Variants in CHST11 observed in about 807,000 individuals in gnomAD.
CHST11 encodes carbohydrate sulfotransferase 11.
A neutral mutation model predicts 30.4 loss-of-function variants in CHST11; 9 were observed. The ratio of observed to expected loss-of-function variants is 0.30; its 90% CI spans 0.18 to 0.52. CHST11 has a LOEUF of 0.52. Among genes scored for constraint, CHST11 ranks in the 20% least tolerant of loss-of-function variants. CHST11 has a pLI of 0.97. For missense variants in CHST11, 348 were observed against 460.6 expected, an observed-to-expected ratio of 0.76 and a Z score of 2.24; for synonymous variants, 152 against 187.8, an observed-to-expected ratio of 0.81 and a Z score of 1.56.
intron 2 of CHST11, among the ~76,000 whole-genome samples, chr12:104,684,135 G>A (rs902689658): frequency 1.3e-4 from 20 of 152,262 alleles, no homozygotes; most frequent in Non-Finnish European, 1.0e-4. Flanking sequence ...TTATTTATGA[G>A]AAAGGACTCC....
chr12:104,585,768 C>G (rs796571163), intron 1 of CHST11, among the ~76,000 whole-genome samples: 5 of 152,340 alleles, frequency 3.3e-5, no homozygotes, highest in African/African-American at 1.2e-4. Context: ...GGTCCAAAAT[C>G]AAGGTGTCAG....
chr12:104,739,022 G>A (rs1592867564), intron 2 of CHST11, among the ~76,000 whole-genome samples: 1 of 152,346 alleles, frequency 6.6e-6, no homozygotes, highest in East Asian at 1.9e-4. Context: ...GGGCAGGGGT[G>A]AGGGGTGAGC....
chr12:104,586,473 A>G (rs934916648), intron 1 of CHST11, among the ~76,000 whole-genome samples: 3 of 152,200 alleles, frequency 2.0e-5, no homozygotes, highest in African/African-American at 7.2e-5. Flanking sequence ...TTCTGGACTC[A>G]AGGGGAGGAG....
intron 2 of CHST11, among the ~76,000 whole-genome samples, chr12:104,719,771 C>A (rs1177794963): frequency 6.6e-6 from 1 of 152,120 alleles, no homozygotes; most frequent in Non-Finnish European, 1.5e-5. Context: ...ATGGACTGGC[C>A]CTGGGCACTC....
chr12:104,632,819 C>T (rs528810120), intron 2 of CHST11, among the ~76,000 whole-genome samples: 19 of 152,228 alleles, frequency 1.2e-4, no homozygotes, highest in African/African-American at 4.3e-4. Context: ...GAGGAGCCCA[C>T]AGACACCACA....
intron 2 of CHST11, among the ~76,000 whole-genome samples, chr12:104,623,686 G>A (rs1321141662): frequency 6.6e-6 from 1 of 151,736 alleles, no homozygotes; most frequent in African/African-American, 2.4e-5. Context: ...ACCCAGCCGA[G>A]ATCGCCTGGG....
chr12:104,699,274 T>G (rs142247143), intron 2 of CHST11, among the ~76,000 whole-genome samples: 2,441 of 152,320 alleles, frequency 0.016, 63 homozygotes, highest in African/African-American at 0.054. Flanking sequence ...GTGACTGAGC[T>G]CTAGAAATTT....
intron 1 of CHST11, among the ~76,000 whole-genome samples, chr12:104,545,250 C>T (rs576467273): frequency 8.5e-5 from 13 of 152,306 alleles, no homozygotes; most frequent in African/African-American, 3.1e-4. Context: ...AGGGAATGGC[C>T]CGTTTGAGGG....
rs200879600 is a variant in CHST11 at position 104,620,613 on chromosome 12, C to CATTT, written c.204+18639_204+18642dup. 7.4e-3 allele frequency among the ~76,000 whole-genome samples: 1,123 copies of CATTT among 152,078 alleles called. 12 individuals are homozygous for CATTT. Among genetic ancestry groups the CATTT allele is most frequent in the African/African-American group, 0.024 (1,000 of 41,454 alleles). ...AGCATTGCAAGGAATGGAAATTCTC[C>CATTT]ATTTATTTATTTATTTATTTGTTTG... On this transcript the variant is annotated intron_variant, in intron 2 of 2. Transcript: ENST00000303694.
At chr12:104,722,246 G>GC (rs1394808947) in intron 2 of CHST11, among the ~76,000 whole-genome samples, 1 of 151,482 alleles carries the variant, frequency 6.6e-6, no homozygotes, top group Non-Finnish European at 1.5e-5. Flanking sequence ...TAAGCCATCT[G>GC]CCCGCCTTAG....
intron 2 of CHST11, among the ~76,000 whole-genome samples, chr12:104,649,302 T>C (rs535680488): frequency 3.4e-4 from 52 of 152,326 alleles, no homozygotes; most frequent in African/African-American, 1.2e-3. Flanking sequence ...ATAATAATCT[T>C]AACAGCAATA....
rs2037416165 is a variant in CHST11 at position 104,462,187 on chromosome 12, A to AG, written c.118+4658_118+4659insG. On this transcript the variant is annotated intron_variant, in intron 1 of 2. Transcript: ENST00000303694. The stretch of plus-strand genomic sequence containing the variant: ...CATCTCAAAAAAAAAAAAAAAAAAG[A>AG]AAAAGAAAAGAAAAAAAGAAAATTT... Among the ~76,000 whole-genome samples, 19 of 144,482 alleles carry AG rather than the reference A, an allele frequency of 1.3e-4. 1 individual carries two copies. The South Asian group carries it at 4.1e-3, about 31-fold the overall frequency. 94.8% of individuals were successfully genotyped at this position (144,482 alleles called of 152,430 possible). A position where few individuals can be genotyped will look rare whatever the true frequency, so the allele number is the denominator to read the frequency against.
chr12:104,501,979 T>C (rs926702029), intron 1 of CHST11, among the ~76,000 whole-genome samples: 6 of 152,086 alleles, frequency 3.9e-5, no homozygotes, highest in Non-Finnish European at 8.8e-5. Flanking sequence ...AGTGGACTCC[T>C]AGGACACCAC....
intron 2 of CHST11, among the ~76,000 whole-genome samples, chr12:104,714,948 G>T (rs528789481): frequency 6.6e-6 from 1 of 152,340 alleles, no homozygotes; most frequent in South Asian, 2.1e-4. Context: ...GCAAGCTGGG[G>T]TAGCTGACCT....
chr12:104,537,616 AG>A (rs1401698098), intron 1 of CHST11, among the ~76,000 whole-genome samples: 13 of 152,076 alleles, frequency 8.5e-5, no homozygotes, highest in African/African-American at 1.9e-4. Flanking sequence ...AATTTGGAAT[AG>A]GTTTAAAATT....
At chr12:104,538,724 C>T (rs1298996754) in intron 1 of CHST11, among the ~76,000 whole-genome samples, 2 of 152,192 alleles carry the variant, frequency 1.3e-5, no homozygotes, top group East Asian at 3.8e-4. Flanking sequence ...CTTGACATTT[C>T]AGATCAGTTC....
intron 2 of CHST11, among the ~76,000 whole-genome samples, chr12:104,656,979 C>T (rs969499838): frequency 3.3e-5 from 5 of 151,668 alleles, no homozygotes; most frequent in African/African-American, 9.7e-5. Context: ...CTGGGAAAGA[C>T]CTTCAGGCAT....
intron 2 of CHST11, among the ~76,000 whole-genome samples, chr12:104,678,702 T>A (rs921845082): frequency 2.0e-5 from 3 of 152,164 alleles, no homozygotes; most frequent in Admixed American, 2.0e-4. Context: ...TGCCAAGGAA[T>A]GAAAGGACAA....
At chr12:104,644,117 A>C (rs1177923382) in intron 2 of CHST11, among the ~76,000 whole-genome samples, 1 of 152,000 alleles carries the variant, frequency 6.6e-6, no homozygotes, top group African/African-American at 2.4e-5. Context: ...CTCTGAAGAG[A>C]GGGACTTCTG....
Sources: gnomAD v4.1 joint callset for allele counts (sites outside exome capture counted in the v4.1 genomes callset) on GRCh38, gnomAD v4.1.1 for gene constraint, MANE v1.5 for transcripts, NCBI Gene and HGNC (gene_info 2026-07-23, HGNC 2026-07-21) for gene names.